The following KATNIP variants were observed in gnomAD, a reference collection of about 807,000 sequenced individuals.
KATNIP encodes the protein katanin interacting protein, also known as katanin-interacting protein.
A neutral mutation model predicts 174.0 loss-of-function variants in KATNIP; 126 were observed. The observed-to-expected ratio is 0.72, with a 90% CI of 0.63 to 0.84. The LOEUF (loss-of-function observed/expected upper bound fraction) is 0.84, where lower values mean the gene tolerates loss of function less well. Among genes scored for constraint, KATNIP ranks in the 40% least tolerant of loss-of-function variants. The pLI is 0.00. For synonymous variants in KATNIP, 810 were observed against 835.7 expected, an observed-to-expected ratio of 0.97 and a Z score of 0.53; for missense variants, 1,958 against 2,109.7, an observed-to-expected ratio of 0.93 and a Z score of 1.41.
chr16:27,759,342 T>G (rs1271318994), intron 18 of KATNIP, among the ~76,000 whole-genome samples: 2 of 152,156 alleles, frequency 1.3e-5, no homozygotes, highest in Non-Finnish European at 2.9e-5. Context: ...CAGGGCTGTT[T>G]GAGCTCTGGT....
At chr16:27,771,239 A>G (rs2082288147) in intron 21 of KATNIP, among the ~76,000 whole-genome samples, 1 of 152,184 alleles carries the variant, frequency 6.6e-6, no homozygotes. Context: ...TACCAGCTGC[A>G]TGGCCTTGAG....
At position 27,769,881 on chromosome 16, in the gene KATNIP, C is replaced by T; in HGVS notation, c.3996C>T (p.Ser1332=). ...GCCAGGCCAAGATTGTCCACGTCTC[C>T]CTGGATGGCCTGTGCGTCTCCCCGC... ...TYRGAKIVHV[S]LDGLCVSPPE... Residue 1332 remains serine (S), a synonymous_variant, in exon 21 of 28, where the codon TCC becomes TCT. Transcript: ENST00000261588. 6.2e-7 allele frequency: 1 copy of T among 1,614,116 alleles called. No homozygotes were observed. The highest frequency in any genetic ancestry group is 8.5e-7 in the Non-Finnish European group (1 of 1,179,976).
At chr16:27,642,571 G>A (rs531365580) in intron 5 of KATNIP, among the ~76,000 whole-genome samples, 6 of 152,144 alleles carry the variant, frequency 3.9e-5, no homozygotes, top group Non-Finnish European at 5.9e-5. Flanking sequence ...TATATGTTCC[G>A]GGTAGTGCTT....
intron 14 of KATNIP, among the ~76,000 whole-genome samples, chr16:27,737,982 G>A (rs1391904113): frequency 1.3e-5 from 2 of 152,172 alleles, no homozygotes; most frequent in Admixed American, 6.5e-5. Context: ...ACGGGAGGAG[G>A]AACAAGGGGT....
chr16:27,606,057 G>C (rs1403297254), intron 2 of KATNIP, among the ~76,000 whole-genome samples: 3 of 152,186 alleles, frequency 2.0e-5, no homozygotes, highest in Non-Finnish European at 4.4e-5. Context: ...TTGAACCTGG[G>C]AGGTGGAGGT....
chr16:27,602,099 GTCTCT>G (rs1388263530), intron 2 of KATNIP, among the ~76,000 whole-genome samples: 6 of 152,174 alleles, frequency 3.9e-5, no homozygotes, highest in African/African-American at 1.4e-4. Context: ...AAAGCAGCTT[GTCTCT>G]TCTCAATTAT....
chr16:27,562,260 T>C lies in KATNIP; in HGVS notation c.8-11641T>C, dbSNP rs146314628. ...AGGTTGAAGTTATTATGGTGAGCCATGACCACACCACTTTGACTCCAGCCT... is the reference window on the plus strand; with the variant it reads ...AGGTTGAAGTTATTATGGTGAGCCACGACCACACCACTTTGACTCCAGCCT... On this transcript the variant is annotated intron_variant, in intron 1 of 27. Coordinates refer to ENST00000261588, the MANE Select transcript of KATNIP (RefSeq NM_015202.5). Among the ~76,000 whole-genome samples, 48 of 152,294 alleles carry C rather than the reference T, an allele frequency of 3.2e-4. 1 individual carries two copies. Among genetic ancestry groups the C allele is most frequent in the African/African-American group, 8.7e-4 (36 of 41,552 alleles).
chr16:27,777,156 C>G lies in KATNIP; in HGVS notation c.4551+127C>G, dbSNP rs910901501. On this transcript the variant is annotated intron_variant, in intron 25 of 27. Transcript: ENST00000261588. The surrounding 1 kb of genome is among the most constrained non-coding windows in gnomAD (Gnocchi z 4.4). ...GCAACCCTCAACACAAATGCCTGGT[C>G]GTCAGATGCAGGCGAATTTCCCACC... is the stretch of plus-strand genomic sequence containing the variant. 1 of 669,068 alleles carries G rather than the reference C, an allele frequency of 1.5e-6. No homozygotes were observed. The highest frequency in any genetic ancestry group is 2.7e-6 in the Non-Finnish European group (1 of 373,670). 41.4% of individuals were successfully genotyped at this position (669,068 alleles called of 1,614,324 possible).
At chr16:27,634,943 T>C (rs233456) in intron 5 of KATNIP, among the ~76,000 whole-genome samples, 101,603 of 151,862 alleles carry the variant, frequency 0.67, 34,846 homozygotes, top group East Asian at 0.86. Flanking sequence ...GGCCAGTGTT[T>C]TTAAGGGTTT....
At position 27,677,991 on chromosome 16, in the gene KATNIP, C is replaced by G; in HGVS notation, c.803C>G (p.Ser268Cys). ...GTGGTGCTGGAATTTAACCCAGCTT[C>G]CAAAAGTGAGCTCTGTCTTGTATAT... ...TLVVLEFNPA[S>C]KSHKRERNLS... The change falls in exon 7 of 28, where the codon TCC becomes TGC. Residue 268 changes from serine (S) to cysteine (C), a missense_variant. This residue lies in a region of KATNIP where 1,557 missense variants were observed against 1,617.8 expected (regional missense o/e 0.96). Coordinates refer to ENST00000261588, the MANE Select transcript of KATNIP (RefSeq NM_015202.5). The G allele has an allele frequency of 6.2e-7, 1 of 1,613,710 alleles. No homozygotes were observed. Among genetic ancestry groups the G allele is most frequent in the Non-Finnish European group, 8.5e-7 (1 of 1,179,614 alleles).
At chr16:27,763,297 A>T (rs1321256860) in intron 19 of KATNIP, among the ~76,000 whole-genome samples, 2 of 150,944 alleles carry the variant, frequency 1.3e-5, no homozygotes, top group Non-Finnish European at 3.0e-5. Flanking sequence ...AAAAAAAAAT[A>T]AAAAATAAAA....
intron 3 of KATNIP, among the ~76,000 whole-genome samples, chr16:27,627,199 G>A (rs755527116): frequency 6.6e-6 from 1 of 152,154 alleles, no homozygotes; most frequent in Non-Finnish European, 1.5e-5. Flanking sequence ...ATAGAACAAG[G>A]CAATTCTCTG....
At chr16:27,617,601 C>G (rs2076078456) in intron 2 of KATNIP, among the ~76,000 whole-genome samples, 1 of 152,216 alleles carries the variant, frequency 6.6e-6, no homozygotes, top group Non-Finnish European at 1.5e-5. Context: ...CCCAGGGCCC[C>G]TTTGGCAGAA....
chr16:27,554,908 C>T (rs2089550680), intron 1 of KATNIP, among the ~76,000 whole-genome samples: 1 of 150,800 alleles, frequency 6.6e-6, no homozygotes. Context: ...ATTCTCTTGC[C>T]TCAGCCTCCT....
intron 6 of KATNIP, among the ~76,000 whole-genome samples, chr16:27,674,146 A>C (rs1447017355): frequency 1.3e-5 from 2 of 152,218 alleles, no homozygotes; most frequent in East Asian, 3.8e-4. Flanking sequence ...AATTAATTTT[A>C]TTAAATGTGT....
intron 2 of KATNIP, among the ~76,000 whole-genome samples, chr16:27,609,260 A>T (rs1265197072): frequency 6.6e-6 from 1 of 150,490 alleles, no homozygotes; most frequent in African/African-American, 2.4e-5. Context: ...AATAAATTAG[A>T]TGTGTGTTAG....
In KATNIP at chr16:27,681,513, A is replaced by G; in HGVS notation, c.923A>G (p.Gln308Arg). 1 of 1,614,222 alleles carries G rather than the reference A, an allele frequency of 6.2e-7. No homozygotes were observed. The highest frequency in any genetic ancestry group is 8.5e-7 in the Non-Finnish European group (1 of 1,180,042). The change falls in exon 8 of 28, where the codon CAG becomes CGG. Residue 308 changes from glutamine (Q) to arginine (R), a missense_variant. Gln to Arg is a conservative substitution (Grantham distance 43). Transcript: ENST00000261588. ...TPQAPAVFPD[Q>R]ERMCSRPGSR... ...CAAGCTCCTGCTGTATTCCCAGACC[A>G]GGAGAGGATGTGCTCCAGTAAGAGT...
chr16:27,607,260 G>A (rs915354998), intron 2 of KATNIP, among the ~76,000 whole-genome samples: 12 of 152,276 alleles, frequency 7.9e-5, no homozygotes, highest in South Asian at 6.2e-4. Flanking sequence ...GGATGCTGGC[G>A]CCACATAAAC....
chr16:27,750,083 C>T lies in KATNIP; in HGVS notation c.3123C>T (p.Thr1041=). ...ACCTCATCGACGGGGTGAACAGGACCCAGGATGACATGCATGTCTGGCTGG... is the reference window on the plus strand; with the variant it reads ...ACCTCATCGACGGGGTGAACAGGACTCAGGATGACATGCATGTCTGGCTGG... The part of the protein sequence containing the change: ...VTNLIDGVNR[T]QDDMHVWLAP... The change falls in exon 16 of 28, where the codon ACC becomes ACT. Residue 1041 remains threonine, a synonymous_variant. Coordinates refer to ENST00000261588, the MANE Select transcript of KATNIP (RefSeq NM_015202.5). 3.7e-6 allele frequency: 6 copies of T among 1,614,164 alleles called. No individual in the cohort carries two copies. Among genetic ancestry groups the T allele is most frequent in the Non-Finnish European group, 5.1e-6 (6 of 1,180,036 alleles).
Sources: allele counts gnomAD v4.1 joint callset (sites outside exome capture counted in the v4.1 genomes callset), GRCh38; gene constraint gnomAD v4.1.1; regional missense constraint gnomAD v4.1.1; non-coding constraint Gnocchi (gnomAD v3.1); transcripts MANE v1.5; gene names NCBI Gene and HGNC (gene_info 2026-07-23, HGNC 2026-07-21).